THNSL1: variants seen among roughly 807,000 people sequenced by gnomAD.
THNSL1 encodes the protein threonine synthase-like 1.
THNSL1 carries 48 observed loss-of-function variants against 50.4 expected under a neutral mutation model. The observed-to-expected ratio is 0.95, with a 90% CI of 0.76 to 1.21. THNSL1 has a LOEUF of 1.21. THNSL1 is among the 50% of genes most tolerant of loss of function. The pLI is 0.00. For synonymous variants in THNSL1, 309 were observed against 306.1 expected, an observed-to-expected ratio of 1.01 and a Z score of -0.10; for missense variants, 896 against 871.7, an observed-to-expected ratio of 1.03 and a Z score of -0.35.
chr10:25,013,625 A>T (rs1216115881), upstream of THNSL1, among the ~76,000 whole-genome samples: 1 of 152,236 alleles, frequency 6.6e-6, no homozygotes, highest in African/African-American at 2.4e-5. Flanking sequence ...ATGACTGGAG[A>T]TATTCAATAA....
In THNSL1 at chr10:25,023,693, C is replaced by T. The variant is rs764540301; in HGVS notation, c.470C>T (p.Pro157Leu). 6.2e-7 allele frequency: 1 copy of T among 1,613,910 alleles called. No homozygotes were observed. Among genetic ancestry groups the T allele is most frequent in the East Asian group, 2.2e-5 (1 of 44,874 alleles). The change falls in exon 3 of 3, where the codon CCT (proline) becomes CTT (leucine). Residue 157 changes from proline (P) to leucine (L), a missense_variant. Transcript: ENST00000376356. ...GGAATAATTGTATACCTGGATGTAC[C>T]TCTACTAGATCTAATTTGTCGTCTA... The part of the protein sequence containing the change: ...KNGIIVYLDV[P>L]LLDLICRLKL...
chr10:24,955,786 A>C, the THNSL1 span, among the ~76,000 whole-genome samples: 1 of 152,054 alleles, frequency 6.6e-6, no homozygotes, highest in South Asian at 2.1e-4. Context: ...TCACTATAAA[A>C]AATTAAAAAC....
chr10:24,968,877 G>A, the THNSL1 span, among the ~76,000 whole-genome samples: 1 of 152,132 alleles, frequency 6.6e-6, no homozygotes, highest in Non-Finnish European at 1.5e-5. Context: ...CCCAACTATT[G>A]CATTTGACTT....
chr10:25,006,572 T>G, the THNSL1 span, among the ~76,000 whole-genome samples: 1 of 152,244 alleles, frequency 6.6e-6, no homozygotes, highest in Non-Finnish European at 1.5e-5. Context: ...ACATTTCATG[T>G]AGGTCCTCAT....
chr10:24,974,241 A>G, the THNSL1 span, among the ~76,000 whole-genome samples: 1 of 152,188 alleles, frequency 6.6e-6, no homozygotes, highest in East Asian at 1.9e-4. Context: ...AAACATTTGA[A>G]TAAATTGTCT....
the THNSL1 span, among the ~76,000 whole-genome samples, chr10:24,972,283 G>A: frequency 8.2e-4 from 125 of 151,644 alleles, 1 homozygote; most frequent in African/African-American, 2.9e-3. Context: ...TGAGGCAGGC[G>A]GATCACCTGA....
the THNSL1 span, among the ~76,000 whole-genome samples, chr10:24,975,192 G>C: frequency 1.3e-5 from 2 of 152,116 alleles, no homozygotes; most frequent in Non-Finnish European, 2.9e-5. Context: ...AGCCAATAAA[G>C]ATAAAAGAAA....
chr10:25,020,740 CAA>C lies in THNSL1; in HGVS notation c.-215-987_-215-986del, dbSNP rs36007062. 2.5e-3 allele frequency among the ~76,000 whole-genome samples: 334 copies of C among 134,006 alleles called. 2 individuals are homozygous for C. Among genetic ancestry groups the C allele is most frequent in the Non-Finnish European group, 2.7e-3 (167 of 62,276 alleles). The allele number at this position is 134,006 out of a possible 152,430, so 87.9% of individuals were successfully genotyped here. A position where few individuals can be genotyped will look rare whatever the true frequency, so the allele number is the denominator to read the frequency against. On this transcript the variant is annotated intron_variant, in intron 1 of 2. Transcript: ENST00000376356. The stretch of plus-strand genomic sequence containing the variant: ...TGGGTGACAGTGGAAGACCCTTTCT[CAA>C]AAAAAAAAAAAAAATTACTGCTCAT...
the THNSL1 span, among the ~76,000 whole-genome samples, chr10:24,992,000 T>C: frequency 0.013 from 2,008 of 152,296 alleles, 58 homozygotes; most frequent in African/African-American, 0.046. Flanking sequence ...CACAGCCCTA[T>C]GGTACACTCT....
chr10:25,018,172 A>T (rs1187337272), intron 1 of THNSL1, among the ~76,000 whole-genome samples: 1 of 152,232 alleles, frequency 6.6e-6, no homozygotes, highest in African/African-American at 2.4e-5. Flanking sequence ...TAGTTAGTTT[A>T]CAGCCATGAG....
chr10:24,984,382 G>T, the THNSL1 span: 10 of 1,398,482 alleles, frequency 7.2e-6, no homozygotes, highest in African/African-American at 1.6e-5. Flanking sequence ...ATGCGCTGCA[G>T]AAAAAAAAAA....
At chr10:24,978,665 TATC>T in the THNSL1 span, among the ~76,000 whole-genome samples, 1 of 152,208 alleles carries the variant, frequency 6.6e-6, no homozygotes, top group Admixed American at 6.5e-5. Context: ...TTGTTTTACT[TATC>T]ATTCTTTCTA....
At chr10:24,999,333 CAATAA>C in the THNSL1 span, 769 of 1,461,616 alleles carry the variant, frequency 5.3e-4, 7 homozygotes, top group African/African-American at 9.1e-3. Flanking sequence ...TATTCATCAA[CAATAA>C]AATAATAGTT....
upstream of THNSL1, among the ~76,000 whole-genome samples, chr10:25,011,795 C>G (rs138893027): frequency 2.6e-5 from 4 of 152,126 alleles, no homozygotes; most frequent in Non-Finnish European, 5.9e-5. Flanking sequence ...CCCGATGATG[C>G]AATAGAAAAG....
chr10:25,008,066 T>C, the THNSL1 span, among the ~76,000 whole-genome samples: 1 of 150,878 alleles, frequency 6.6e-6, no homozygotes, highest in Non-Finnish European at 1.5e-5. Context: ...ATGTAAGAGA[T>C]GAAGAGAAGT....
the THNSL1 span, among the ~76,000 whole-genome samples, chr10:24,955,289 C>T: frequency 6.6e-6 from 1 of 152,226 alleles, no homozygotes; most frequent in Non-Finnish European, 1.5e-5. Flanking sequence ...TCCCCCAACA[C>T]TGGGAATTAC....
chr10:24,952,480 G>C, the THNSL1 span: 1 of 1,543,496 alleles, frequency 6.5e-7, no homozygotes, highest in Non-Finnish European at 8.8e-7. This position sits in a 1 kb window ranked among gnomAD's most constrained non-coding sequence, Gnocchi z 5.1. Flanking sequence ...AGGGTGCCAG[G>C]GAGGGAGGGG....
the THNSL1 span, among the ~76,000 whole-genome samples, chr10:24,972,006 C>A: frequency 6.6e-6 from 1 of 151,910 alleles, no homozygotes; most frequent in Non-Finnish European, 1.5e-5. Context: ...GCCTGGCCAA[C>A]ATGGTGAAAC....
the THNSL1 span, among the ~76,000 whole-genome samples, chr10:24,975,680 C>T: frequency 6.6e-6 from 1 of 152,188 alleles, no homozygotes; most frequent in Non-Finnish European, 1.5e-5. Flanking sequence ...GATGTTCCTG[C>T]TTTCCCTTCC....
Sources: gnomAD v4.1 joint callset for allele counts (sites outside exome capture counted in the v4.1 genomes callset) on GRCh38, gnomAD v4.1.1 for gene constraint, Gnocchi (gnomAD v3.1) non-coding constraint, MANE v1.5 for transcripts, NCBI Gene and HGNC (gene_info 2026-07-23, HGNC 2026-07-21) for gene names.